The following ANKS1B variants were observed in gnomAD, a reference collection of about 807,000 sequenced individuals.
ANKS1B encodes ankyrin repeat and sterile alpha motif domain containing 1B.
ANKS1B carries 36 observed loss-of-function variants against 148.3 expected under a neutral mutation model. That is an observed-to-expected ratio of 0.24 (90% confidence interval 0.19 to 0.32). ANKS1B has a LOEUF of 0.32. Among genes scored for constraint, ANKS1B ranks in the 10% least tolerant of loss-of-function variants. The pLI is 1.00. For synonymous variants in ANKS1B, 542 were observed against 560.8 expected (o/e 0.97, Z 0.47); for missense variants, 1,157 against 1,542.6 (o/e 0.75, Z 4.19).
At chr12:98,995,416 C>A (rs1455802983) in intron 17 of ANKS1B, among the ~76,000 whole-genome samples, 1 of 152,000 alleles carries the variant, frequency 6.6e-6, no homozygotes, top group African/African-American at 2.4e-5. Flanking sequence ...CATGGTGAAA[C>A]CCCATCTCTA....
chr12:99,612,537 A>C (rs1195869529), intron 9 of ANKS1B, among the ~76,000 whole-genome samples: 1 of 152,144 alleles, frequency 6.6e-6, no homozygotes, highest in Non-Finnish European at 1.5e-5. Context: ...TCGAATCCTC[A>C]AAGTCCAGCT....
chr12:99,543,107 A>G (rs866873033), intron 9 of ANKS1B, among the ~76,000 whole-genome samples: 40 of 152,240 alleles, frequency 2.6e-4, no homozygotes, highest in Middle Eastern at 3.4e-3. Flanking sequence ...TATTCAGACC[A>G]TATGAAGAAC....
At chr12:98,764,707 A>G (rs926259094) in intron 25 of ANKS1B, among the ~76,000 whole-genome samples, 4 of 152,222 alleles carry the variant, frequency 2.6e-5, no homozygotes, top group African/African-American at 9.6e-5. Context: ...TGATACCCTG[A>G]GTTCACTATT....
chr12:99,082,647 A>G (rs988341448), intron 16 of ANKS1B, among the ~76,000 whole-genome samples: 7 of 152,168 alleles, frequency 4.6e-5, no homozygotes, highest in Non-Finnish European at 8.8e-5. Flanking sequence ...TGATTCATGT[A>G]GTCTAACCAA....
chr12:99,268,411 A>C (rs1386497030), intron 12 of ANKS1B, among the ~76,000 whole-genome samples: 1 of 152,180 alleles, frequency 6.6e-6, no homozygotes, highest in Non-Finnish European at 1.5e-5. Context: ...TGGAAGTGGG[A>C]ATCTTGGTTG....
chr12:98,841,764 G>T (rs1253967011), intron 17 of ANKS1B, among the ~76,000 whole-genome samples: 2 of 152,006 alleles, frequency 1.3e-5, no homozygotes, highest in Non-Finnish European at 1.5e-5. Context: ...AAAAAAAGGG[G>T]TAACAACAGT....
At chr12:99,790,627 C>A (rs1012501474) in intron 4 of ANKS1B, among the ~76,000 whole-genome samples, 2 of 151,964 alleles carry the variant, frequency 1.3e-5, no homozygotes, top group Admixed American at 6.6e-5. Flanking sequence ...CAAAGTTAAA[C>A]TGTATAGTTT....
chr12:99,326,513 T>C (rs1360063162), intron 12 of ANKS1B, among the ~76,000 whole-genome samples: 1 of 152,118 alleles, frequency 6.6e-6, no homozygotes, highest in Non-Finnish European at 1.5e-5. Flanking sequence ...TCTCTCTGTT[T>C]TTGAATCTTA....
At chr12:98,862,678 C>T (rs975059354) in intron 17 of ANKS1B, among the ~76,000 whole-genome samples, 18 of 152,014 alleles carry the variant, frequency 1.2e-4, no homozygotes, top group Admixed American at 5.3e-4. Context: ...TGAACCAGTG[C>T]GACATTCTGA....
At chr12:99,709,530 G>T (rs1430010564) in intron 8 of ANKS1B, among the ~76,000 whole-genome samples, 1 of 152,126 alleles carries the variant, frequency 6.6e-6, no homozygotes, top group East Asian at 1.9e-4. Flanking sequence ...GGTATTAAAA[G>T]AAGATAATAA....
intron 17 of ANKS1B, among the ~76,000 whole-genome samples, chr12:98,884,631 C>T (rs2099734054): frequency 6.6e-6 from 1 of 151,120 alleles, no homozygotes; most frequent in Admixed American, 6.6e-5. Flanking sequence ...AACCCCGTCT[C>T]TACTAAAAAT....
intron 12 of ANKS1B, among the ~76,000 whole-genome samples, chr12:99,378,181 A>G (rs927156069): frequency 6.6e-6 from 1 of 152,202 alleles, no homozygotes; most frequent in Non-Finnish European, 1.5e-5. Flanking sequence ...GTTAAACAAT[A>G]TAGGGTTTCT....
At chr12:99,407,468 G>A (rs1393402451) in intron 11 of ANKS1B, among the ~76,000 whole-genome samples, 2 of 145,382 alleles carry the variant, frequency 1.4e-5, no homozygotes, top group African/African-American at 5.2e-5. Flanking sequence ...TGACAAGGAC[G>A]CCCACTTTCA....
intron 17 of ANKS1B, among the ~76,000 whole-genome samples, chr12:99,019,906 A>G (rs2153434490): frequency 6.6e-6 from 1 of 152,328 alleles, no homozygotes; most frequent in East Asian, 1.9e-4. Context: ...GAATTTCAAT[A>G]TTCAGAAAGT....
chr12:98,834,109 C>T (rs2099348310), intron 17 of ANKS1B, among the ~76,000 whole-genome samples: 1 of 152,176 alleles, frequency 6.6e-6, no homozygotes, highest in Non-Finnish European at 1.5e-5. Flanking sequence ...AAATGTTAGC[C>T]AAGGTGAATG....
At chr12:99,640,268 C>T (rs2098289019) in intron 9 of ANKS1B, among the ~76,000 whole-genome samples, 1 of 152,144 alleles carries the variant, frequency 6.6e-6, no homozygotes, top group African/African-American at 2.4e-5. Flanking sequence ...GCTGTCCGTA[C>T]TTCATCCTCC....
chr12:99,739,088 T>A (rs2059859434), intron 8 of ANKS1B, among the ~76,000 whole-genome samples: 1 of 152,032 alleles, frequency 6.6e-6, no homozygotes. Flanking sequence ...TACACTATCA[T>A]CTTTCTCCAA....
At chr12:98,860,370 G>A (rs2099592761) in intron 17 of ANKS1B, among the ~76,000 whole-genome samples, 1 of 152,206 alleles carries the variant, frequency 6.6e-6, no homozygotes, top group East Asian at 1.9e-4. Flanking sequence ...TTGACCCTTT[G>A]TTGTCTATCT....
At chr12:99,970,378 C>T (rs2095543630) in intron 1 of ANKS1B, among the ~76,000 whole-genome samples, 1 of 152,054 alleles carries the variant, frequency 6.6e-6, no homozygotes, top group Admixed American at 6.5e-5. Context: ...AATTCAGGAT[C>T]CAAACTTGTA....
Sources: allele counts gnomAD v4.1 joint callset (sites outside exome capture counted in the v4.1 genomes callset), GRCh38; gene constraint gnomAD v4.1.1; transcripts MANE v1.5; gene names NCBI Gene and HGNC (gene_info 2026-07-23, HGNC 2026-07-21).